The following FGG variants were observed in gnomAD, a reference collection of about 807,000 sequenced individuals.
FGG encodes fibrinogen gamma chain.
In FGG, 20 loss-of-function variants were observed where a neutral mutation model predicts 51.7. That is an observed-to-expected ratio of 0.39 (90% CI 0.27 to 0.56). The LOEUF (loss-of-function observed/expected upper bound fraction) is 0.56, where lower values mean the gene tolerates loss of function less well. Ranked by LOEUF, FGG falls within the 20% of genes least tolerant of loss-of-function variation. FGG has a pLI of 0.64. For synonymous variants in FGG, 184 were observed against 184.7 expected (o/e 1.00, Z 0.03); for missense variants, 460 against 534.2 (o/e 0.86, Z 1.37).
chr4:154,608,417 T>C (rs771336448), intron 7 of FGG, 49 bp downstream of exon 7: 2 of 1,568,924 alleles, frequency 1.3e-6, no homozygotes, highest in Non-Finnish European at 1.7e-6. Flanking sequence ...AAGTGCACAT[T>C]CCAGGCAATC....
intron 5 of FGG, 78 bp from the exon 6 acceptor site, chr4:154,609,841 C>T: frequency 6.3e-7 from 1 of 1,596,726 alleles, no homozygotes; most frequent in Non-Finnish European, 8.6e-7. Flanking sequence ...TAGCTTTTAA[C>T]ATGTAGTAAA....
rs771279321 is a variant in FGG at position 154,608,524 on chromosome 4, G to A, written c.793C>T (p.Gln265Ter). ...CTTAATGCATATGGGATGGCAGACT[G>A]TGTGCTTATCAAATGAATCTTCTCA... ...GNEKIHLIST[Q>*]SAIPYALRVE... Residue 265 changes from glutamine to a stop codon, truncating the protein, a stop_gained, in exon 7 of 9, where the codon CAG becomes TAG. Transcript: ENST00000336098. LOFTEE classifies it high-confidence loss of function. The A allele has an allele frequency of 6.2e-7, 1 of 1,613,776 alleles. No individual in the cohort carries two copies. Among genetic ancestry groups the A allele is most frequent in the Non-Finnish European group, 8.5e-7 (1 of 1,179,836 alleles).
At chr4:154,608,851 T>G (rs1201648894) in intron 6 of FGG, among the ~76,000 whole-genome samples, 1 of 152,160 alleles carries the variant, frequency 6.6e-6, no homozygotes, top group African/African-American at 2.4e-5. Flanking sequence ...GCAAGGATCA[T>G]GAGAGAGAAT....
At chr4:154,608,141 T>C (rs925020138) in intron 7 of FGG, among the ~76,000 whole-genome samples, 16 of 152,204 alleles carry the variant, frequency 1.1e-4, no homozygotes, top group African/African-American at 3.9e-4. Context: ...TTAATAATAA[T>C]ACCTGCTTCA....
Position 154,604,950 on chromosome 4 carries a change from T to C in FGG, c.1246A>G (p.Asn416Asp), listed in dbSNP as rs1440486214. ...KKTTMKIIPF[N>D]RLTIGEGQQH... ...TGTCCTTCTCCAATTGTGAGTCTGT[T>C]GAATGGGATTATCTTCATAGTGGTT... The change falls in exon 9 of 9, where the codon AAC (asparagine) becomes GAC (aspartate). Residue 416 changes from asparagine to aspartate, a missense_variant. Coordinates refer to ENST00000336098, the MANE Select transcript of FGG (RefSeq NM_021870.3). The C allele has an allele frequency of 6.2e-7, 1 of 1,613,996 alleles. No homozygotes were observed. Among genetic ancestry groups the C allele is most frequent in the Non-Finnish European group, 8.5e-7 (1 of 1,180,010 alleles).
intron 8 of FGG, 92 bp from the exon 9 acceptor site, chr4:154,605,158 C>A (rs1280388597): frequency 7.6e-7 from 1 of 1,316,340 alleles, no homozygotes; most frequent in African/African-American, 1.5e-5. Context: ...AGTGCATTGC[C>A]AGTTACATAA....
chr4:154,607,128 T>C, intron 7 of FGG, 146 bp from the exon 8 acceptor site: 1 of 922,698 alleles, frequency 1.1e-6, no homozygotes, highest in Admixed American at 2.9e-5. Flanking sequence ...TTTGCAAATC[T>C]GGCAAGAGGC....
At position 154,606,955 on chromosome 4, in the gene FGG, C is replaced by A; in HGVS notation, c.879G>T (p.Val293=). ...GGCGGTACTTGTCAGCTTCAGGTCC[C>A]ACCTTGAACATGGCATAGTCTGCAG... is the stretch of plus-strand genomic sequence containing the variant. ...TSTADYAMFK[V]GPEADKYRLT... is the part of the protein sequence containing the mutation. The change falls in exon 8 of 9, where the codon GTG becomes GTT. Residue 293 remains valine (V), a synonymous_variant. Transcript: ENST00000336098. The A allele has an allele frequency of 1.9e-6, 3 of 1,610,712 alleles. No individual in the cohort carries two copies. The highest frequency in any genetic ancestry group is 1.7e-6 in the Non-Finnish European group (2 of 1,178,134).
Position 154,611,832 on chromosome 4 carries a change from G to T in FGG, c.374C>A (p.Ser125Ter). The T allele has an allele frequency of 6.2e-7, 1 of 1,611,148 alleles. No homozygotes were observed. The highest frequency in any genetic ancestry group is 8.5e-7 in the Non-Finnish European group (1 of 1,178,722). ...MLEEIMKYEA[S>*]ILTHDSSIRY... is the part of the protein sequence containing the mutation. ...AATACTTGAGTCATGTGTTAAAATCGATGCTTCATATTTCATAATTTCTTC... is the reference window on the plus strand; with the variant it reads ...AATACTTGAGTCATGTGTTAAAATCTATGCTTCATATTTCATAATTTCTTC... The change falls in exon 4 of 9, where the codon TCG becomes TAG. Residue 125 changes from serine (S) to a stop codon, truncating the protein, a stop_gained. Coordinates refer to ENST00000336098, the MANE Select transcript of FGG (RefSeq NM_021870.3). LOFTEE classifies it high-confidence loss of function.
At position 154,606,904 on chromosome 4, in the gene FGG, C is replaced by T. The variant is rs1578808676; in HGVS notation, c.930G>A (p.Gly310=). The T allele has an allele frequency of 6.2e-7, 1 of 1,613,868 alleles. No individual in the cohort carries two copies. Among genetic ancestry groups the T allele is most frequent in the Non-Finnish European group, 8.5e-7 (1 of 1,179,836 alleles). Residue 310 remains glycine, a synonymous_variant, in exon 8 of 9, where the codon GGG becomes GGA. Transcript: ENST00000336098. ...YRLTYAYFAG[G]DAGDAFDGFD... ...AGCCATCAAAGGCATCTCCAGCATC[C>T]CCACCAGCGAAGTAGGCATATGTTA...
At chr4:154,605,131 A>T in intron 8 of FGG, 65 bp from the exon 9 acceptor site, 1 of 1,576,682 alleles carries the variant, frequency 6.3e-7, no homozygotes, top group Non-Finnish European at 8.7e-7. Flanking sequence ...AAGTCTATGA[A>T]GAGCTGTCTA....
Position 154,604,208 on chromosome 4 carries a change from T to A in FGG, c.*626A>T. The A allele has an allele frequency of 3.2e-6, 2 of 620,926 alleles. No individual in the cohort carries two copies. Among genetic ancestry groups the A allele is most frequent in the Non-Finnish European group, 5.3e-6 (2 of 379,266 alleles). The allele number at this position is 620,926 out of a possible 1,614,324, so 38.5% of individuals were successfully genotyped here. A position where few individuals can be genotyped will look rare whatever the true frequency, so the allele number is the denominator to read the frequency against. On this transcript the variant is annotated 3_prime_UTR_variant, in exon 9 of 9. Coordinates refer to ENST00000336098, the MANE Select transcript of FGG (RefSeq NM_021870.3). Reference sequence around the variant, plus strand: ...TCATCAGCATAAAACTGTTATGGAGTTTTCAACATGGGGTCTTTTGCTCTT... The same window carrying A: ...TCATCAGCATAAAACTGTTATGGAGATTTCAACATGGGGTCTTTTGCTCTT...
Position 154,604,430 on chromosome 4 carries a change from G to T in FGG, c.*404C>A. Reference sequence around the variant, plus strand: ...CCATTTAAAAAGAAGAATTAAATAGGAATGATTTAGGGGTAATAAACAAGG... The same window carrying T: ...CCATTTAAAAAGAAGAATTAAATAGTAATGATTTAGGGGTAATAAACAAGG... On this transcript the variant is annotated 3_prime_UTR_variant, in exon 9 of 9. Coordinates refer to ENST00000336098, the MANE Select transcript of FGG (RefSeq NM_021870.3). 7.8e-7 allele frequency: 1 copy of T among 1,288,022 alleles called. No homozygotes were observed. Among genetic ancestry groups the T allele is most frequent in the Non-Finnish European group, 1.1e-6 (1 of 948,734 alleles). 79.8% of individuals were successfully genotyped at this position (1,288,022 alleles called of 1,614,324 possible). A position where few individuals can be genotyped will look rare whatever the true frequency, so the allele number is the denominator to read the frequency against.
chr4:154,604,230 T>C lies in FGG; in HGVS notation c.*604A>G. The stretch of plus-strand genomic sequence containing the variant: ...GAGTTTTCAACATGGGGTCTTTTGC[T>C]CTTAAAATGAAGTGAAGCTTTGCAA... On this transcript the variant is annotated 3_prime_UTR_variant, in exon 9 of 9. Coordinates refer to ENST00000336098, the MANE Select transcript of FGG (RefSeq NM_021870.3). 1 of 807,668 alleles carries C rather than the reference T, an allele frequency of 1.2e-6. No individual in the cohort carries two copies. Among genetic ancestry groups the C allele is most frequent in the Non-Finnish European group, 1.9e-6 (1 of 532,752 alleles). The allele number at this position is 807,668 out of a possible 1,614,324, so 50.0% of individuals were successfully genotyped here. A position where few individuals can be genotyped will look rare whatever the true frequency, so the allele number is the denominator to read the frequency against.
At chr4:154,608,957 G>A (rs1386226989) in intron 6 of FGG, among the ~76,000 whole-genome samples, 6 of 152,154 alleles carry the variant, frequency 3.9e-5, no homozygotes, top group Non-Finnish European at 5.9e-5. Context: ...AACTCTAGCT[G>A]GATATTACTG....
intron 4 of FGG, 67 bp from the exon 5 acceptor site, chr4:154,610,264 A>G: frequency 7.9e-7 from 1 of 1,271,674 alleles, no homozygotes; most frequent in South Asian, 1.3e-5. Flanking sequence ...CAGAAGAGTA[A>G]TTTTATATTT....
Position 154,612,129 on chromosome 4 carries a change from G to A in FGG, c.196C>T (p.Leu66=), listed in dbSNP as rs376769607. 8 of 1,612,418 alleles carry A rather than the reference G, an allele frequency of 5.0e-6. No individual in the cohort carries two copies. The South Asian group carries it at 6.6e-5, about 13-fold the overall frequency. ...TGTAAGATGTCTTCCAAAGACTGTA[G>A]ATCCTTGTCTACTTTGGTTTGATAA... ...STYQTKVDKD[L]QSLEDILHQV... The change falls in exon 3 of 9, where the codon CTA becomes TTA. Residue 66 remains leucine (L), a synonymous_variant. Coordinates refer to ENST00000336098, the MANE Select transcript of FGG (RefSeq NM_021870.3).
chr4:154,611,391 T>C (rs1731208306), intron 4 of FGG: 1 of 167,774 alleles, frequency 6.0e-6, no homozygotes. Flanking sequence ...TAATTTACTT[T>C]AGGAGCCAAA....
intron 4 of FGG, 135 bp downstream of exon 4, chr4:154,611,670 C>T: frequency 1.6e-6 from 1 of 641,522 alleles, no homozygotes; most frequent in Non-Finnish European, 2.7e-6. Context: ...CTACTATGCT[C>T]AACATAATCA....
Sources: allele counts gnomAD v4.1 joint callset (sites outside exome capture counted in the v4.1 genomes callset), GRCh38; gene constraint gnomAD v4.1.1; transcripts MANE v1.5; gene names NCBI Gene and HGNC (gene_info 2026-07-23, HGNC 2026-07-21).